SIK2: variants seen among roughly 807,000 people sequenced by gnomAD.
SIK2 encodes salt inducible kinase 2.
SIK2 carries 29 observed loss-of-function variants against 103.2 expected under a neutral mutation model. The ratio of observed to expected loss-of-function variants is 0.28; its 90% CI spans 0.21 to 0.38. The LOEUF (loss-of-function observed/expected upper bound fraction) is 0.38. SIK2 is among the 10% of genes least tolerant of loss of function. The pLI, the probability that SIK2 is intolerant of heterozygous loss-of-function variation, is 1.00. For missense variants in SIK2, 879 were observed against 1,171.0 expected (o/e 0.75, Z 3.64); for synonymous variants, 412 against 446.1 (o/e 0.92, Z 0.96).
At chr11:111,652,042 G>A (rs1266622159) in intron 3 of SIK2, among the ~76,000 whole-genome samples, 5 of 151,932 alleles carry the variant, frequency 3.3e-5, no homozygotes, top group African/African-American at 7.3e-5. Flanking sequence ...ATAATACATC[G>A]GTGCTTCTAA....
At chr11:111,661,223 G>A (rs1445756986) in intron 3 of SIK2, among the ~76,000 whole-genome samples, 1 of 152,148 alleles carries the variant, frequency 6.6e-6, no homozygotes, top group African/African-American at 2.4e-5. Flanking sequence ...TAGGTTAGAA[G>A]CCCAGAAAGT....
chr11:111,704,976 T>G lies in SIK2; in HGVS notation c.949-11T>G. The stretch of plus-strand genomic sequence containing the variant: ...CAGTTCTTTGCCTTTACCACTTGTT[T>G]TTTATTTCAGTCTTTGCAGAACAAG... On this transcript the variant is annotated splice_polypyrimidine_tract_variant and intron_variant, in intron 7 of 14. Coordinates refer to ENST00000304987, the MANE Select transcript of SIK2 (RefSeq NM_015191.3). The G allele has an allele frequency of 6.3e-7, 1 of 1,596,688 alleles. No individual in the cohort carries two copies. The highest frequency in any genetic ancestry group is 8.5e-7 in the Non-Finnish European group (1 of 1,174,588).
In SIK2 at chr11:111,669,386, A is replaced by C. The variant is rs950199010; in HGVS notation, c.317-18615A>C. On this transcript the variant is annotated intron_variant, in intron 3 of 14. Coordinates refer to ENST00000304987, the MANE Select transcript of SIK2 (RefSeq NM_015191.3). ...AACTTTATGGAATTGTGTTTAATTAAAATTATTATTTTTAAAACTTCTTCA... is the reference window on the plus strand; with the variant it reads ...AACTTTATGGAATTGTGTTTAATTACAATTATTATTTTTAAAACTTCTTCA... 2.0e-5 allele frequency among the ~76,000 whole-genome samples: 3 copies of C among 152,298 alleles called. No individual in the cohort carries two copies. In the South Asian group the frequency reaches 6.2e-4, roughly 32 times the overall value.
chr11:111,723,345 C>T (rs1943862251), intron 14 of SIK2, 151 bp from the exon 15 acceptor site: 3 of 784,652 alleles, frequency 3.8e-6, no homozygotes, highest in Non-Finnish European at 6.0e-6. Context: ...TTAAGAGACC[C>T]AACACAATTG....
In SIK2 at chr11:111,705,003, G is replaced by GCTATAA. The variant is rs1158805493; in HGVS notation, c.967_972dup (p.Tyr323_Asn324dup). On this transcript the variant is annotated inframe_insertion, in exon 8 of 15. Coordinates refer to ENST00000304987, the MANE Select transcript of SIK2 (RefSeq NM_015191.3). This position sits in a 1 kb window ranked among gnomAD's most constrained non-coding sequence, Gnocchi z 4.3. The stretch of plus-strand genomic sequence containing the variant: ...TTATTTCAGTCTTTGCAGAACAAGA[G>GCTATAA]CTATAACCACTTTGCTGCCATTTAT... 6.2e-7 allele frequency: 1 copy of GCTATAA among 1,606,712 alleles called. No homozygotes were observed. Among genetic ancestry groups the GCTATAA allele is most frequent in the Admixed American group, 1.7e-5 (1 of 58,652 alleles).
chr11:111,674,793 CTG>C (rs1942680904), intron 3 of SIK2, among the ~76,000 whole-genome samples: 1 of 151,574 alleles, frequency 6.6e-6, no homozygotes, highest in Admixed American at 6.6e-5. Context: ...GTCACCCAGG[CTG>C]GAATGCAGTG....
At chr11:111,708,316 A>G (rs1223118108) in intron 8 of SIK2, among the ~76,000 whole-genome samples, 1 of 152,136 alleles carries the variant, frequency 6.6e-6, no homozygotes, top group African/African-American at 2.4e-5. Context: ...CAGGAGACAG[A>G]GGTTGCAGTG....
intron 4 of SIK2, among the ~76,000 whole-genome samples, chr11:111,699,175 C>T (rs1355060085): frequency 2.6e-5 from 4 of 152,134 alleles, no homozygotes; most frequent in African/African-American, 9.7e-5. Flanking sequence ...GAGAGAACTT[C>T]TCCCTGGCAC....
chr11:111,640,451 G>A (rs1011302036), intron 3 of SIK2, among the ~76,000 whole-genome samples: 1 of 152,034 alleles, frequency 6.6e-6, no homozygotes, highest in African/African-American at 2.4e-5. Flanking sequence ...ATCCAGCTTT[G>A]TTCTTAAAAT....
Position 111,720,767 on chromosome 11 carries a change from G to C in SIK2, c.1780+5G>C. The C allele has an allele frequency of 6.3e-7, 1 of 1,580,816 alleles. No individual in the cohort carries two copies. Among genetic ancestry groups the C allele is most frequent in the Non-Finnish European group, 8.6e-7 (1 of 1,164,304 alleles). On this transcript the variant is annotated splice_donor_5th_base_variant and intron_variant, in intron 11 of 14. Transcript: ENST00000304987. ...CAGATACCTCCCTCACCCAGGGTGA[G>C]CACTTCCTCCTCTGCTTTTTGAAAC... is the stretch of plus-strand genomic sequence containing the variant.
intron 3 of SIK2, among the ~76,000 whole-genome samples, chr11:111,673,561 G>C (rs1253708123): frequency 1.3e-5 from 2 of 152,098 alleles, no homozygotes; most frequent in African/African-American, 4.8e-5. Context: ...TTTCTACTTA[G>C]GATGTTGTCC....
intron 3 of SIK2, among the ~76,000 whole-genome samples, chr11:111,664,794 C>T (rs1012351020): frequency 5.3e-5 from 8 of 151,144 alleles, no homozygotes; most frequent in Admixed American, 4.0e-4. Flanking sequence ...GATGGCCTAA[C>T]TACTTTGATT....
chr11:111,658,122 A>G (rs1942418439), intron 3 of SIK2, among the ~76,000 whole-genome samples: 1 of 142,844 alleles, frequency 7.0e-6, no homozygotes. Flanking sequence ...TTATTTATTT[A>G]TTTATTTATT....
chr11:111,698,539 G>A (rs964450437), intron 4 of SIK2, among the ~76,000 whole-genome samples: 9 of 152,130 alleles, frequency 5.9e-5, no homozygotes, highest in Admixed American at 5.9e-4. Flanking sequence ...CCCAGGAGTT[G>A]GAGACCAGCC....
At chr11:111,702,412 C>T (rs1370447708) in intron 6 of SIK2, among the ~76,000 whole-genome samples, 1 of 152,174 alleles carries the variant, frequency 6.6e-6, no homozygotes, top group Non-Finnish European at 1.5e-5. Context: ...TTGCAAGACC[C>T]TGTCTCTACA....
intron 3 of SIK2, among the ~76,000 whole-genome samples, chr11:111,627,479 G>A (rs1159291988): frequency 6.6e-6 from 1 of 152,062 alleles, no homozygotes; most frequent in East Asian, 1.9e-4. Context: ...GTTTATCCAG[G>A]AGAAAACATA....
chr11:111,603,745 T>A (rs1223488896), intron 1 of SIK2, among the ~76,000 whole-genome samples: 2 of 152,234 alleles, frequency 1.3e-5, no homozygotes, highest in African/African-American at 2.4e-5. Context: ...CTACTCTGCC[T>A]TATTGTAGTT....
intron 3 of SIK2, among the ~76,000 whole-genome samples, chr11:111,681,405 C>T (rs896591501): frequency 6.6e-6 from 1 of 152,202 alleles, no homozygotes. Flanking sequence ...AAAGAACCAA[C>T]ATCATTCAGC....
intron 3 of SIK2, among the ~76,000 whole-genome samples, chr11:111,635,963 C>T (rs1195254177): frequency 2.0e-5 from 3 of 152,186 alleles, no homozygotes; most frequent in African/African-American, 7.2e-5. Context: ...AGGATTTTGG[C>T]AGTCTGTGTT....
Sources: allele counts gnomAD v4.1 joint callset (sites outside exome capture counted in the v4.1 genomes callset), GRCh38; gene constraint gnomAD v4.1.1; non-coding constraint Gnocchi (gnomAD v3.1); transcripts MANE v1.5; gene names NCBI Gene and HGNC (gene_info 2026-07-23, HGNC 2026-07-21).